RBFOX1: variants seen among roughly 807,000 people sequenced by gnomAD.
RBFOX1 encodes the protein RNA binding protein fox-1 homolog 1.
A neutral mutation model predicts 57.7 loss-of-function variants in RBFOX1; 8 were observed. That is an observed-to-expected ratio of 0.14 (90% CI 0.08 to 0.25). The LOEUF (loss-of-function observed/expected upper bound fraction) is 0.25. RBFOX1 is among the 10% of genes least tolerant of loss of function. The pLI is 1.00. For missense variants in RBFOX1, 611 were observed against 548.5 expected (o/e 1.11, Z -1.14); for synonymous variants, 326 against 222.4 (o/e 1.47, Z -4.15).
intron 4 of RBFOX1, among the ~76,000 whole-genome samples, chr16:7,253,178 C>T (rs1341031487): frequency 6.6e-6 from 1 of 152,146 alleles, no homozygotes; most frequent in African/African-American, 2.4e-5. Context: ...TTTCTTGTTT[C>T]TTTGGAAGAA....
intron 1 of RBFOX1, among the ~76,000 whole-genome samples, chr16:6,266,600 G>T (rs531610511): frequency 1.3e-5 from 2 of 151,954 alleles, no homozygotes; most frequent in South Asian, 2.1e-4. Flanking sequence ...TGTAATCCCA[G>T]CTACTCAGGG....
chr16:7,636,427 TATC>T (rs1241704282), intron 11 of RBFOX1, among the ~76,000 whole-genome samples: 2 of 152,244 alleles, frequency 1.3e-5, no homozygotes, highest in Non-Finnish European at 2.9e-5. Flanking sequence ...CTTATTTTAT[TATC>T]AGTTCACACG....
chr16:7,077,709 A>G (rs755635240), intron 4 of RBFOX1, among the ~76,000 whole-genome samples: 2 of 152,222 alleles, frequency 1.3e-5, no homozygotes, highest in Non-Finnish European at 2.9e-5. Flanking sequence ...GGTTGATAGA[A>G]ATGGAATGTT....
intron 5 of RBFOX1, among the ~76,000 whole-genome samples, chr16:7,530,541 T>C (rs2079792738): frequency 6.6e-6 from 1 of 151,960 alleles, no homozygotes; most frequent in Non-Finnish European, 1.5e-5. Context: ...TCTAGTTCTC[T>C]CCTGCTGCTC....
chr16:5,703,067 G>C (rs1356242119), intron 3 of RBFOX1, among the ~76,000 whole-genome samples: 1 of 152,146 alleles, frequency 6.6e-6, no homozygotes, highest in Non-Finnish European at 1.5e-5. Flanking sequence ...GTTGATGGTA[G>C]GCACTAAGAA....
At chr16:5,707,948 A>G (rs1444095044) in intron 3 of RBFOX1, among the ~76,000 whole-genome samples, 8 of 152,178 alleles carry the variant, frequency 5.3e-5, no homozygotes, top group African/African-American at 1.7e-4. Context: ...TTAGTTTTCT[A>G]TTCACTAGGT....
intron 4 of RBFOX1, among the ~76,000 whole-genome samples, chr16:7,057,539 C>A (rs1342346330): frequency 6.6e-6 from 1 of 152,168 alleles, no homozygotes; most frequent in Non-Finnish European, 1.5e-5. Flanking sequence ...ATCAGTGCAT[C>A]CTCGTTACAA....
chr16:5,886,363 C>G (rs1388370611), intron 4 of RBFOX1, among the ~76,000 whole-genome samples: 1 of 152,134 alleles, frequency 6.6e-6, no homozygotes, highest in African/African-American at 2.4e-5. Context: ...CAGTACCCAG[C>G]AAAGTAAGGC....
chr16:7,084,375 T>C (rs2059666440), intron 4 of RBFOX1, among the ~76,000 whole-genome samples: 1 of 152,056 alleles, frequency 6.6e-6, no homozygotes, highest in Non-Finnish European at 1.5e-5. Flanking sequence ...AAAAAGCATA[T>C]TAATATTTGA....
chr16:7,341,429 G>C (rs1305024995), intron 4 of RBFOX1, among the ~76,000 whole-genome samples: 1 of 152,102 alleles, frequency 6.6e-6, no homozygotes, highest in African/African-American at 2.4e-5. Flanking sequence ...TGGAGGTATT[G>C]GGATGATCAA....
chr16:7,041,786 C>T (rs1053420895), intron 3 of RBFOX1, among the ~76,000 whole-genome samples: 1 of 152,134 alleles, frequency 6.6e-6, no homozygotes, highest in Admixed American at 6.5e-5. Context: ...CTTGTGAAAA[C>T]CTCCTGTGTC....
intron 3 of RBFOX1, among the ~76,000 whole-genome samples, chr16:5,771,386 A>C (rs1285644345): frequency 2.0e-5 from 3 of 152,136 alleles, no homozygotes; most frequent in South Asian, 2.1e-4. Context: ...ATCTCAAGAT[A>C]AGTATTTCAT....
At chr16:7,196,530 G>T (rs949053466) in intron 4 of RBFOX1, among the ~76,000 whole-genome samples, 8 of 152,164 alleles carry the variant, frequency 5.3e-5, no homozygotes, top group Non-Finnish European at 1.0e-4. Flanking sequence ...AGTGCAACCG[G>T]CTCTTTAAAT....
At chr16:6,148,192 T>C (rs1022461308) in intron 1 of RBFOX1, among the ~76,000 whole-genome samples, 5 of 152,112 alleles carry the variant, frequency 3.3e-5, no homozygotes, top group African/African-American at 1.2e-4. Flanking sequence ...CCGAGTGTGG[T>C]GGCATGTACC....
intron 2 of RBFOX1, among the ~76,000 whole-genome samples, chr16:6,460,908 G>A (rs2094903994): frequency 6.6e-6 from 1 of 151,382 alleles, no homozygotes; most frequent in Admixed American, 6.6e-5. Flanking sequence ...TGTACACCAT[G>A]GAATACTATG....
Position 7,345,326 on chromosome 16 carries a change from C to G in RBFOX1, c.28-172821C>G, listed in dbSNP as rs909791929. Among the ~76,000 whole-genome samples the G allele has an allele frequency of 9.2e-5, 14 of 152,218 alleles. No individual in the cohort carries two copies. In the South Asian group the frequency reaches 1.5e-3, roughly 16 times the overall value. ...GTGTAAACACTGAGGGGCCTGCTCT[C>G]GGGGAGGTTTTGACAGAACATGTGA... On this transcript the variant is annotated intron_variant, in intron 4 of 15. Coordinates refer to ENST00000550418, the MANE Select transcript of RBFOX1 (RefSeq NM_018723.4).
intron 1 of RBFOX1, among the ~76,000 whole-genome samples, chr16:6,114,889 C>G (rs1345727586): frequency 1.3e-5 from 2 of 152,084 alleles, no homozygotes; most frequent in Non-Finnish European, 2.9e-5. Context: ...AGGCACTGAG[C>G]CCAGAGTTGG....
intron 3 of RBFOX1, among the ~76,000 whole-genome samples, chr16:5,770,939 C>T (rs952107480): frequency 2.6e-5 from 4 of 152,176 alleles, no homozygotes; most frequent in Non-Finnish European, 1.5e-5. Flanking sequence ...TTATTCCATC[C>T]TGGCAGGTGA....
chr16:5,419,887 C>T (rs915722415), intron 1 of RBFOX1, among the ~76,000 whole-genome samples: 3 of 152,012 alleles, frequency 2.0e-5, no homozygotes, highest in Non-Finnish European at 4.4e-5. Context: ...GTGATAGCAC[C>T]AAGAAGACAG....
Sources: gnomAD v4.1 joint callset for allele counts (sites outside exome capture counted in the v4.1 genomes callset) on GRCh38, gnomAD v4.1.1 for gene constraint, MANE v1.5 for transcripts, NCBI Gene and HGNC (gene_info 2026-07-23, HGNC 2026-07-21) for gene names.